INTS4: variants seen among roughly 807,000 people sequenced by gnomAD.
INTS4 encodes the protein integrator complex subunit 4.
In INTS4, 70 loss-of-function variants were observed where a neutral mutation model predicts 119.5. The ratio of observed to expected loss-of-function variants is 0.59; its 90% confidence interval spans 0.48 to 0.71. The LOEUF (loss-of-function observed/expected upper bound fraction) is 0.71, where lower values mean the gene tolerates loss of function less well. Among genes scored for constraint, INTS4 ranks in the 30% least tolerant of loss-of-function variants. The probability of loss-of-function intolerance (pLI) is 0.00; values close to 1 mark genes in which losing one functional copy is unlikely to be tolerated. For synonymous variants in INTS4, 316 were observed against 419.6 expected, an observed-to-expected ratio of 0.75 and a Z score of 3.02; for missense variants, 867 against 1,173.2, an observed-to-expected ratio of 0.74 and a Z score of 3.81.
Position 77,980,064 on chromosome 11 carries a change from T to C in INTS4, c.365-962A>G, listed in dbSNP as rs896982072. On this transcript the variant is annotated intron_variant, in intron 3 of 22. Coordinates refer to ENST00000534064, the MANE Select transcript of INTS4 (RefSeq NM_033547.4). ...AAGTCCAAATATCCTAGAAGGCATATAATACATACATACCAGGCCTTCCAT... is the reference window on the plus strand; with the variant it reads ...AAGTCCAAATATCCTAGAAGGCATACAATACATACATACCAGGCCTTCCAT... 3.3e-5 allele frequency among the ~76,000 whole-genome samples: 5 copies of C among 151,490 alleles called. No homozygotes were observed. The South Asian group carries it at 8.3e-4, about 25-fold the overall frequency.
chr11:77,991,177 A>C lies in INTS4; in HGVS notation c.177T>G (p.Phe59Leu), dbSNP rs1222759576. 6.2e-7 allele frequency: 1 copy of C among 1,614,240 alleles called. No homozygotes were observed. Among genetic ancestry groups the C allele is most frequent in the South Asian group, 1.1e-5 (1 of 91,084 alleles). ...TTTCCGCCTCGACAGGCTTCCTGGC[A>C]AACTGGAGCAAGTATTGCAAAGCAT... ...PADALQYLLQ[F>L]ARKPVEAESV... Residue 59 changes from phenylalanine (F) to leucine (L), a missense_variant, in exon 2 of 23, where the codon TTT becomes TTG. This residue lies in a region of INTS4 where 224 missense variants were observed against 231.8 expected (regional missense o/e 0.97). Transcript: ENST00000534064.
intron 11 of INTS4, among the ~76,000 whole-genome samples, chr11:77,925,443 C>T (rs1953473769): frequency 6.6e-6 from 1 of 152,196 alleles, no homozygotes. Flanking sequence ...CACCGATAGA[C>T]TTGCTCAATG....
chr11:77,913,200 C>T (rs1368176355), intron 15 of INTS4, among the ~76,000 whole-genome samples: 1 of 152,122 alleles, frequency 6.6e-6, no homozygotes, highest in East Asian at 1.9e-4. Flanking sequence ...CAATCCCCTT[C>T]AACCCTGCCT....
intron 8 of INTS4, among the ~76,000 whole-genome samples, chr11:77,948,761 C>A: frequency 7.2e-6 from 1 of 139,056 alleles, no homozygotes; most frequent in African/African-American, 2.7e-5. Flanking sequence ...GCCTGGGCAA[C>A]AGAGAGACAG....
At chr11:77,924,482 A>T (rs1953446418) in intron 12 of INTS4, 1 of 348,222 alleles carries the variant, frequency 2.9e-6, no homozygotes, top group Non-Finnish European at 5.4e-6. Context: ...TGTAACAGCT[A>T]CCACAAGGGT....
At chr11:77,976,234 A>G (rs1726631463) in intron 4 of INTS4, among the ~76,000 whole-genome samples, 1 of 152,234 alleles carries the variant, frequency 6.6e-6, no homozygotes, top group Non-Finnish European at 1.5e-5. Context: ...GAACTCTCAT[A>G]TACTGCTTGT....
intron 15 of INTS4, among the ~76,000 whole-genome samples, chr11:77,914,661 A>C (rs541310174): frequency 3.3e-5 from 5 of 152,248 alleles, no homozygotes; most frequent in Middle Eastern, 3.4e-3. Flanking sequence ...CAACTACTCA[A>C]CTCTGTGATT....
chr11:77,991,169 T>G lies in INTS4; in HGVS notation c.185A>C (p.Lys62Thr). 1 of 1,614,210 alleles carries G rather than the reference T, an allele frequency of 6.2e-7. No individual in the cohort carries two copies. Among genetic ancestry groups the G allele is most frequent in the Non-Finnish European group, 8.5e-7 (1 of 1,180,038 alleles). Residue 62 changes from lysine to threonine, a missense_variant, in exon 2 of 23, where the codon AAG becomes ACG. Around this residue, in one of 5 missense-constraint regions of INTS4, gnomAD observed 224 missense variants for 231.8 expected, o/e 0.97. Transcript: ENST00000534064. ...ALQYLLQFAR[K>T]PVEAESVEGV... is the part of the protein sequence containing the mutation. ...CTCTACGCTTTCCGCCTCGACAGGC[T>G]TCCTGGCAAACTGGAGCAAGTATTG...
chr11:77,949,017 T>A (rs1369783808), intron 8 of INTS4, among the ~76,000 whole-genome samples: 1 of 152,162 alleles, frequency 6.6e-6, no homozygotes, highest in Admixed American at 6.5e-5. Context: ...TTCGCTGTTA[T>A]CCAGGCTGGA....
At chr11:77,927,379 A>C (rs1337674872) in intron 11 of INTS4, among the ~76,000 whole-genome samples, 1 of 152,232 alleles carries the variant, frequency 6.6e-6, no homozygotes, top group East Asian at 1.9e-4. Flanking sequence ...CCAAAGCACC[A>C]GCTATTCTTT....
intron 4 of INTS4, among the ~76,000 whole-genome samples, chr11:77,962,459 G>T (rs1478087854): frequency 6.6e-6 from 1 of 152,012 alleles, no homozygotes; most frequent in African/African-American, 2.4e-5. Flanking sequence ...TTTTCCTCCT[G>T]CATTACCCTA....
chr11:77,891,244 T>C, intron 21 of INTS4, 75 bp downstream of exon 21: 1 of 1,431,494 alleles, frequency 7.0e-7, no homozygotes, highest in South Asian at 1.2e-5. Context: ...AAGTAGAGAC[T>C]ACAGGGGTGC....
chr11:77,883,075 A>AAATAATAATAATAATAATAAT (rs10687244), intron 22 of INTS4, among the ~76,000 whole-genome samples: 77 of 148,324 alleles, frequency 5.2e-4, no homozygotes, highest in African/African-American at 1.8e-3. Context: ...CTCCGTCTCA[A>AAATAATAATAATAATAATAAT]AATAATAATA....
At chr11:77,899,431 G>C (rs1410826650) in intron 18 of INTS4, among the ~76,000 whole-genome samples, 1 of 152,074 alleles carries the variant, frequency 6.6e-6, no homozygotes, top group Non-Finnish European at 1.5e-5. Context: ...TAGCACTCTG[G>C]GAGGCCGAGT....
chr11:77,942,799 GA>G (rs2136531972), intron 8 of INTS4, among the ~76,000 whole-genome samples: 1 of 152,268 alleles, frequency 6.6e-6, no homozygotes, highest in South Asian at 2.1e-4. Context: ...AATAAATGTG[GA>G]AATGCTTATA....
At chr11:77,880,637 C>A (rs905089375) in intron 22 of INTS4, among the ~76,000 whole-genome samples, 7 of 152,162 alleles carry the variant, frequency 4.6e-5, no homozygotes, top group Non-Finnish European at 7.3e-5. Context: ...CAACCACAGC[C>A]CCAGTTGGCA....
chr11:77,877,584 C>A (rs189803172), downstream of INTS4, among the ~76,000 whole-genome samples: 5 of 152,252 alleles, frequency 3.3e-5, no homozygotes, highest in Admixed American at 2.0e-4. Flanking sequence ...ATAGCTTAGA[C>A]CTTTGGGATC....
chr11:77,985,981 T>C lies in INTS4; in HGVS notation c.247-4405A>G, dbSNP rs117502041. ...TATCCACTAAAATATTAACATAAAA[T>C]ACCACATTTCTGGATAGAACAGAAG... On this transcript the variant is annotated intron_variant, in intron 2 of 22. Transcript: ENST00000534064. 3.6e-3 allele frequency among the ~76,000 whole-genome samples: 547 copies of C among 152,200 alleles called. 10 individuals are homozygous for C. The highest frequency in any genetic ancestry group is 0.024 in the Admixed American group (369 of 15,274).
chr11:77,979,482 C>T (rs1482093068), intron 3 of INTS4, among the ~76,000 whole-genome samples: 1 of 150,464 alleles, frequency 6.6e-6, no homozygotes, highest in Non-Finnish European at 1.5e-5. Context: ...CCTAAAAAAA[C>T]AGAAAAAAAA....
Sources: gnomAD v4.1 joint callset for allele counts (sites outside exome capture counted in the v4.1 genomes callset) on GRCh38, gnomAD v4.1.1 for gene constraint, gnomAD v4.1.1 regional missense constraint, MANE v1.5 for transcripts, NCBI Gene and HGNC (gene_info 2026-07-23, HGNC 2026-07-21) for gene names.